OR9G1: variants seen among roughly 807,000 people sequenced by gnomAD.
OR9G1 encodes the protein olfactory receptor 9G1.
OR9G1 carries 21 observed loss-of-function variants against 14.5 expected under a neutral mutation model. The observed-to-expected ratio is 1.45, with a 90% confidence interval of 1.03 to 2.09. The LOEUF (loss-of-function observed/expected upper bound fraction) is 2.09. Ranked by LOEUF, OR9G1 falls within the 30% of genes most tolerant of loss-of-function variation. The pLI is 0.00. For missense variants in OR9G1, 476 were observed against 364.2 expected, an observed-to-expected ratio of 1.31 and a Z score of -2.50; for synonymous variants, 179 against 153.3, an observed-to-expected ratio of 1.17 and a Z score of -1.24.
Position 56,700,820 on chromosome 11 carries a change from GC to G in OR9G1, c.434del (p.Ala145GlufsTer53). 1 of 1,614,314 alleles carries G rather than the reference GC, an allele frequency of 6.2e-7. No individual in the cohort carries two copies. Reference sequence around the variant, plus strand: ...CATAAAGCTGTGTGCATTGCTGGTAGCAGTCTCATATTGTGGTGGCTTTATT... The same window carrying G: ...CATAAAGCTGTGTGCATTGCTGGTAGAGTCTCATATTGTGGTGGCTTTATT... ...MSIKLCALLVAVSYCGGFINS... is the reference protein window; with the variant it reads ...MSIKLCALLVXVSYCGGFINS... On this transcript the variant is annotated frameshift_variant, in exon 2 of 2. Coordinates refer to ENST00000642097, the MANE Select transcript of OR9G1 (RefSeq NM_001005213.2). LOFTEE classifies it high-confidence loss of function.
At position 56,701,197 on chromosome 11, in the gene OR9G1, C is replaced by T. The variant is rs774271881; in HGVS notation, c.810C>T (p.Asp270=). 3 of 1,614,184 alleles carry T rather than the reference C, an allele frequency of 1.9e-6. No homozygotes were observed. Among genetic ancestry groups the T allele is most frequent in the African/African-American group, 1.3e-5 (1 of 74,962 alleles). ...LPRSSYSFDM[D]KIVSTFYTVV... ...GATCTAGCTATTCTTTTGATATGGA[C>T]AAAATAGTTTCTACATTTTACACTG... Residue 270 remains aspartate (D), a synonymous_variant, in exon 2 of 2, where the codon GAC becomes GAT. Coordinates refer to ENST00000642097, the MANE Select transcript of OR9G1 (RefSeq NM_001005213.2).
rs576039065 is a variant in OR9G1 at position 56,700,813 on chromosome 11, G to T, written c.426G>T (p.Leu142Phe). ...CCATGTCCATAAAGCTGTGTGCATT[G>T]CTGGTAGCAGTCTCATATTGTGGTG... ...AQAMSIKLCA[L>F]LVAVSYCGGF... is the part of the protein sequence containing the mutation. The change falls in exon 2 of 2, where the codon TTG becomes TTT. Residue 142 changes from leucine (L) to phenylalanine (F), a missense_variant. Leu to Phe is a conservative substitution (Grantham distance 22). This residue lies in a region of OR9G1 where 352 missense variants were observed against 211.6 expected (regional missense o/e 1.66). Coordinates refer to ENST00000642097, the MANE Select transcript of OR9G1 (RefSeq NM_001005213.2). 20 of 1,614,312 alleles carry T rather than the reference G, an allele frequency of 1.2e-5. No homozygotes were observed. Among genetic ancestry groups the T allele is most frequent in the Admixed American group, 8.3e-5 (5 of 60,032 alleles).
intron 1 of OR9G1, 100 bp downstream of exon 1, chr11:56,699,290 C>T (rs1201640079): frequency 1.2e-3 from 182 of 152,368 alleles, no homozygotes; most frequent in African/African-American, 4.4e-3. Flanking sequence ...AGAACTTCAT[C>T]ATTCGGTTTA....
intron 1 of OR9G1, among the ~76,000 whole-genome samples, chr11:56,700,090 G>GGAA (rs1434134387): frequency 3.9e-3 from 595 of 152,372 alleles, no homozygotes; most frequent in African/African-American, 0.014. Context: ...ATTGACAAAA[G>GGAA]GAAGAGGATC....
Sources: gnomAD v4.1 joint callset for allele counts (sites outside exome capture counted in the v4.1 genomes callset) on GRCh38, gnomAD v4.1.1 for gene constraint, gnomAD v4.1.1 regional missense constraint, MANE v1.5 for transcripts, NCBI Gene and HGNC (gene_info 2026-07-23, HGNC 2026-07-21) for gene names.